The following CSMD1 variants were observed in gnomAD, a reference collection of about 807,000 sequenced individuals.
CSMD1 encodes the protein CUB and sushi domain-containing protein 1.
Under a neutral mutation model 417.5 loss-of-function variants are expected in CSMD1, and 213 were observed. That is an observed-to-expected ratio of 0.51 (90% CI 0.46 to 0.57). CSMD1 has a LOEUF of 0.57. Among genes scored for constraint, CSMD1 ranks in the 20% least tolerant of loss-of-function variants. The pLI, the probability that CSMD1 is intolerant of heterozygous loss-of-function variation, is 0.00. For synonymous variants in CSMD1, 2,862 were observed against 1,736.8 expected (o/e 1.65, Z -16.11); for missense variants, 6,923 against 4,529.7 (o/e 1.53, Z -15.17).
chr8:4,386,192 C>CTCTCTT (rs1803441303), intron 3 of CSMD1, among the ~76,000 whole-genome samples: 1 of 152,084 alleles, frequency 6.6e-6, no homozygotes, highest in Non-Finnish European at 1.5e-5. Flanking sequence ...AGACATTCTC[C>CTCTCTT]TACCTTCCAT....
chr8:4,142,832 T>A (rs1304155025), intron 3 of CSMD1, among the ~76,000 whole-genome samples: 2 of 151,124 alleles, frequency 1.3e-5, no homozygotes, highest in African/African-American at 4.9e-5. Flanking sequence ...GGAAAATGAT[T>A]TCTTAAATTG....
chr8:4,223,637 T>G (rs1405418091), intron 3 of CSMD1, among the ~76,000 whole-genome samples: 3 of 152,240 alleles, frequency 2.0e-5, no homozygotes, highest in African/African-American at 7.2e-5. Context: ...CAGCCAGGAC[T>G]CAGCGAGTTA....
intron 3 of CSMD1, among the ~76,000 whole-genome samples, chr8:4,155,282 G>C (rs539739976): frequency 3.3e-5 from 5 of 152,298 alleles, no homozygotes; most frequent in Non-Finnish European, 7.3e-5. Context: ...GTGTGAATTA[G>C]GGGGTGGAGC....
intron 12 of CSMD1, among the ~76,000 whole-genome samples, chr8:3,426,635 G>C (rs891786620): frequency 3.3e-5 from 5 of 152,152 alleles, no homozygotes; most frequent in African/African-American, 1.2e-4. Context: ...TTCAAGGTGA[G>C]ATGCCATAAT....
At chr8:4,555,370 G>C (rs1200140833) in intron 2 of CSMD1, among the ~76,000 whole-genome samples, 1 of 152,110 alleles carries the variant, frequency 6.6e-6, no homozygotes, top group Non-Finnish European at 1.5e-5. Context: ...GGGAGGGACG[G>C]GGAATGTCGT....
At chr8:3,455,858 G>A (rs935810983) in intron 12 of CSMD1, among the ~76,000 whole-genome samples, 7 of 152,208 alleles carry the variant, frequency 4.6e-5, no homozygotes, top group African/African-American at 1.7e-4. Context: ...GGACATTTAA[G>A]TCTGCAGAGG....
At chr8:3,333,929 T>C (rs114187474) in intron 23 of CSMD1, among the ~76,000 whole-genome samples, 1,741 of 152,320 alleles carry the variant, frequency 0.011, 36 homozygotes, top group African/African-American at 0.04. Flanking sequence ...CAAAATTAGA[T>C]TGTAGAAAAT....
intron 2 of CSMD1, among the ~76,000 whole-genome samples, chr8:4,471,770 A>G (rs1322651946): frequency 1.3e-5 from 2 of 152,124 alleles, no homozygotes; most frequent in African/African-American, 4.8e-5. Flanking sequence ...TAGCGTCACA[A>G]AGGAGACTGA....
intron 2 of CSMD1, among the ~76,000 whole-genome samples, chr8:4,582,240 A>G (rs906432147): frequency 3.3e-5 from 5 of 152,180 alleles, no homozygotes; most frequent in African/African-American, 9.6e-5. Context: ...CAATAATAAT[A>G]AAGGGCTGAC....
rs925898798 is a variant in CSMD1, at chr8:3,993,524, G to A, written c.818+4379C>T. ...ACTTTAGCCAGTCACCAATTAGATT[G>A]ACTTAATAGTAAAATTGTGCTGGTT... On this transcript the variant is annotated intron_variant, in intron 5 of 69. Coordinates refer to ENST00000635120, the MANE Select transcript of CSMD1 (RefSeq NM_033225.6). 9.2e-5 allele frequency among the ~76,000 whole-genome samples: 14 copies of A among 152,250 alleles called. No individual in the cohort carries two copies. In the East Asian group the frequency reaches 2.5e-3, roughly 27 times the overall value.
chr8:4,023,679 A>C (rs1032904152), intron 4 of CSMD1, among the ~76,000 whole-genome samples: 7 of 143,976 alleles, frequency 4.9e-5, no homozygotes, highest in South Asian at 2.2e-4. Context: ...CTCCGCCTCC[A>C]GGGTTCACGC....
intron 1 of CSMD1, among the ~76,000 whole-genome samples, chr8:4,908,934 T>C (rs1444918884): frequency 6.6e-6 from 1 of 152,210 alleles, no homozygotes; most frequent in East Asian, 1.9e-4. Context: ...TTCCACTGCA[T>C]TGCCTCTTCC....
intron 1 of CSMD1, among the ~76,000 whole-genome samples, chr8:4,803,350 G>A (rs908231276): frequency 6.6e-6 from 1 of 152,094 alleles, no homozygotes; most frequent in Non-Finnish European, 1.5e-5. Flanking sequence ...AATATAAAAA[G>A]GGTTTCAGTT....
intron 1 of CSMD1, among the ~76,000 whole-genome samples, chr8:4,778,298 A>G (rs1796973735): frequency 6.6e-6 from 1 of 152,198 alleles, no homozygotes. Flanking sequence ...TGCAAATAAA[A>G]AGGTCAGAGC....
intron 2 of CSMD1, among the ~76,000 whole-genome samples, chr8:4,544,576 T>C (rs2130532472): frequency 6.6e-6 from 1 of 152,308 alleles, no homozygotes; most frequent in South Asian, 2.1e-4. Context: ...GAAAAATTTA[T>C]ATATTAATCT....
At chr8:4,912,135 A>AAAAAAG (rs1554518068) in intron 1 of CSMD1, among the ~76,000 whole-genome samples, 48 of 115,660 alleles carry the variant, frequency 4.2e-4, no homozygotes, top group South Asian at 5.8e-4. Context: ...AAAAAAAAAA[A>AAAAAAG]AAAAAAGAAA....
intron 7 of CSMD1, among the ~76,000 whole-genome samples, chr8:3,676,320 T>G (rs1039489827): frequency 6.6e-6 from 1 of 152,154 alleles, no homozygotes; most frequent in Non-Finnish European, 1.5e-5. Flanking sequence ...TGTATTCTTT[T>G]CTGAAGAGCA....
At chr8:4,463,523 C>T (rs74886150) in intron 2 of CSMD1, among the ~76,000 whole-genome samples, 9,533 of 152,044 alleles carry the variant, frequency 0.063, 466 homozygotes, top group Non-Finnish European at 0.083. Context: ...GTCAGTCAAC[C>T]GATGAAAAAA....
intron 3 of CSMD1, among the ~76,000 whole-genome samples, chr8:4,088,560 G>C (rs1800544441): frequency 6.6e-6 from 1 of 152,094 alleles, no homozygotes; most frequent in Non-Finnish European, 1.5e-5. Flanking sequence ...ACCTTAAAAA[G>C]AAATATCATT....
Sources: gnomAD v4.1 joint callset for allele counts (sites outside exome capture counted in the v4.1 genomes callset) on GRCh38, gnomAD v4.1.1 for gene constraint, MANE v1.5 for transcripts, NCBI Gene and HGNC (gene_info 2026-07-23, HGNC 2026-07-21) for gene names.